CACNA2D1: variants seen among roughly 807,000 people sequenced by gnomAD.
The protein encoded by CACNA2D1 is voltage-dependent calcium channel subunit alpha-2/delta-1.
CACNA2D1 carries 53 observed loss-of-function variants against 171.5 expected under a neutral mutation model. The ratio of observed to expected loss-of-function variants is 0.31; its 90% confidence interval spans 0.25 to 0.39. CACNA2D1 has a LOEUF of 0.39. CACNA2D1 is among the 10% of genes least tolerant of loss of function. The pLI, the probability that CACNA2D1 is intolerant of heterozygous loss-of-function variation, is 1.00. For synonymous variants in CACNA2D1, 442 were observed against 443.1 expected, an observed-to-expected ratio of 1.00 and a Z score of 0.03; for missense variants, 903 against 1,299.8, an observed-to-expected ratio of 0.69 and a Z score of 4.69.
chr7:81,979,606 A>C (rs990585935), intron 24 of CACNA2D1, among the ~76,000 whole-genome samples: 1 of 151,932 alleles, frequency 6.6e-6, no homozygotes, highest in Non-Finnish European at 1.5e-5. Context: ...TCTCTTCCTA[A>C]ATTGTTTGCT....
chr7:82,332,520 AAGAAAGAAAG>A (rs1049757374), intron 3 of CACNA2D1, among the ~76,000 whole-genome samples: 10 of 90,224 alleles, frequency 1.1e-4, no homozygotes, highest in Admixed American at 3.4e-4. Context: ...TAAAGAAAGA[AAGAAAGAAAG>A]AAAGAAAGAA....
At chr7:82,181,080 G>GTTTTTTTTTT (rs1797093992) in intron 3 of CACNA2D1, among the ~76,000 whole-genome samples, 1 of 48,960 alleles carries the variant, frequency 2.0e-5, no homozygotes, top group Non-Finnish European at 4.1e-5. Context: ...TTTTTTTTGC[G>GTTTTTTTTTT]TCAGTGAGAT....
chr7:82,311,371 AG>A (rs888446458), intron 3 of CACNA2D1, among the ~76,000 whole-genome samples: 5 of 151,996 alleles, frequency 3.3e-5, no homozygotes, highest in Non-Finnish European at 7.4e-5. Flanking sequence ...ATACAAAAAA[AG>A]AAAAAAAAAA....
At chr7:82,045,298 A>T (rs2131267250) in intron 10 of CACNA2D1, among the ~76,000 whole-genome samples, 1 of 152,290 alleles carries the variant, frequency 6.6e-6, no homozygotes, top group African/African-American at 2.4e-5. Flanking sequence ...GATTGCTAGC[A>T]AAATGACCCT....
intron 3 of CACNA2D1, among the ~76,000 whole-genome samples, chr7:82,213,059 C>G (rs2129229085): frequency 6.6e-6 from 1 of 152,142 alleles, no homozygotes; most frequent in South Asian, 2.1e-4. Flanking sequence ...CACACCACGC[C>G]CTGCTAATTT....
chr7:82,065,647 T>A (rs959639101), intron 8 of CACNA2D1, among the ~76,000 whole-genome samples: 11 of 152,198 alleles, frequency 7.2e-5, no homozygotes, highest in Non-Finnish European at 1.5e-4. Flanking sequence ...GCTCTTGCAA[T>A]TTGTCTGAAG....
intron 1 of CACNA2D1, among the ~76,000 whole-genome samples, chr7:82,402,923 C>T (rs1048781080): frequency 9.3e-5 from 14 of 151,218 alleles, no homozygotes; most frequent in Non-Finnish European, 1.8e-4. Context: ...TTTATAATAA[C>T]GAAAGGCTAT....
chr7:81,994,711 C>T (rs910789350), intron 20 of CACNA2D1, among the ~76,000 whole-genome samples, 157 bp downstream of exon 20: 1 of 151,748 alleles, frequency 6.6e-6, no homozygotes, highest in Non-Finnish European at 1.5e-5. Flanking sequence ...GAAAATATCC[C>T]TCCAGCTAAG....
intron 1 of CACNA2D1, among the ~76,000 whole-genome samples, chr7:82,369,171 T>C (rs1222743072): frequency 6.6e-6 from 1 of 152,120 alleles, no homozygotes; most frequent in Non-Finnish European, 1.5e-5. Context: ...TTGCATTTCA[T>C]AGTAATTATT....
intron 15 of CACNA2D1, among the ~76,000 whole-genome samples, chr7:82,010,043 G>T (rs1799588505): frequency 6.6e-6 from 1 of 151,634 alleles, no homozygotes; most frequent in Non-Finnish European, 1.5e-5. Context: ...CATTTTTATG[G>T]TTTCACTTTT....
intron 18 of CACNA2D1, among the ~76,000 whole-genome samples, chr7:82,004,877 C>G (rs1798971012): frequency 6.6e-6 from 1 of 152,108 alleles, no homozygotes; most frequent in African/African-American, 2.4e-5. Context: ...CATTTTATCT[C>G]TTTCAGATTA....
chr7:81,977,325 T>A (rs1795956577), intron 24 of CACNA2D1, among the ~76,000 whole-genome samples: 1 of 152,078 alleles, frequency 6.6e-6, no homozygotes, highest in Non-Finnish European at 1.5e-5. Context: ...GTTTTTGTCA[T>A]TGGTTCTATT....
intron 4 of CACNA2D1, among the ~76,000 whole-genome samples, chr7:82,140,116 C>T (rs1245056465): frequency 1.3e-5 from 2 of 152,046 alleles, no homozygotes; most frequent in South Asian, 2.1e-4. Flanking sequence ...TAAAAGAGTT[C>T]TTTCTCAATA....
At chr7:82,294,751 A>G (rs2129419258) in intron 3 of CACNA2D1, among the ~76,000 whole-genome samples, 1 of 152,308 alleles carries the variant, frequency 6.6e-6, no homozygotes, top group African/African-American at 2.4e-5. Flanking sequence ...CAGCCTACAA[A>G]GTAAGTATCA....
chr7:82,143,538 G>A (rs1423970329), intron 4 of CACNA2D1, among the ~76,000 whole-genome samples: 1 of 152,110 alleles, frequency 6.6e-6, no homozygotes, highest in Non-Finnish European at 1.5e-5. Context: ...GCAGAGTGGA[G>A]AAGAAATAAA....
intron 3 of CACNA2D1, among the ~76,000 whole-genome samples, chr7:82,205,969 T>G (rs1690107389): frequency 6.6e-6 from 1 of 152,100 alleles, no homozygotes; most frequent in South Asian, 2.1e-4. Flanking sequence ...AACTAGTTAA[T>G]TAAAAGTTAA....
At chr7:82,016,395 C>T (rs1253546212) in intron 12 of CACNA2D1, among the ~76,000 whole-genome samples, 1 of 151,974 alleles carries the variant, frequency 6.6e-6, no homozygotes, top group East Asian at 1.9e-4. Flanking sequence ...ATGGCTTTGC[C>T]TAGAAGTTCC....
chr7:82,199,753 G>A (rs1052108856), intron 3 of CACNA2D1, among the ~76,000 whole-genome samples: 1 of 151,880 alleles, frequency 6.6e-6, no homozygotes, highest in Non-Finnish European at 1.5e-5. Context: ...AAAAGCATAT[G>A]TCCATAAAAA....
intron 5 of CACNA2D1, among the ~76,000 whole-genome samples, chr7:82,119,677 T>A (rs1789490001): frequency 1.3e-5 from 2 of 152,210 alleles, no homozygotes; most frequent in South Asian, 4.1e-4. Flanking sequence ...GCAATGGAAA[T>A]TTACTTAACT....
Sources: allele counts gnomAD v4.1 joint callset (sites outside exome capture counted in the v4.1 genomes callset), GRCh38; gene constraint gnomAD v4.1.1; transcripts MANE v1.5; gene names NCBI Gene and HGNC (gene_info 2026-07-23, HGNC 2026-07-21).